The following EYA4 variants were observed in gnomAD, a reference collection of about 807,000 sequenced individuals.
EYA4 encodes the protein EYA transcriptional coactivator and phosphatase 4.
EYA4 carries 31 observed loss-of-function variants against 87.9 expected under a neutral mutation model. The ratio of observed to expected loss-of-function variants is 0.35; its 90% CI spans 0.27 to 0.48. The LOEUF (loss-of-function observed/expected upper bound fraction) is 0.48, where lower values mean the gene tolerates loss of function less well. EYA4 is among the 20% of genes least tolerant of loss of function. The probability of loss-of-function intolerance (pLI) is 0.99; values close to 1 mark genes in which losing one functional copy is unlikely to be tolerated. For synonymous variants in EYA4, 263 were observed against 270.6 expected (o/e 0.97, Z 0.28); for missense variants, 678 against 761.4 (o/e 0.89, Z 1.29).
chr6:133,250,151 A>G (rs1020366641), intron 1 of EYA4, among the ~76,000 whole-genome samples: 1 of 152,214 alleles, frequency 6.6e-6, no homozygotes, highest in Non-Finnish European at 1.5e-5. Context: ...GTATAAACCC[A>G]GTAGAATTGC....
intron 3 of EYA4, among the ~76,000 whole-genome samples, chr6:133,438,403 C>A: frequency 6.7e-6 from 1 of 148,376 alleles, no homozygotes; most frequent in Non-Finnish European, 1.5e-5. Context: ...CTTCTTTACT[C>A]ATCTTGTATG....
At chr6:133,372,376 T>C (rs1404968396) in intron 2 of EYA4, among the ~76,000 whole-genome samples, 1 of 152,100 alleles carries the variant, frequency 6.6e-6, no homozygotes, top group Non-Finnish European at 1.5e-5. Context: ...GTCAGTGTCT[T>C]ATTAACTACT....
intron 2 of EYA4, among the ~76,000 whole-genome samples, chr6:133,313,557 A>G (rs2128337478): frequency 6.6e-6 from 1 of 152,364 alleles, no homozygotes; most frequent in Non-Finnish European, 1.5e-5. Flanking sequence ...TAATTTAATG[A>G]AATATAAAAT....
intron 13 of EYA4, among the ~76,000 whole-genome samples, chr6:133,502,097 A>C (rs1263860154): frequency 1.3e-5 from 2 of 151,516 alleles, no homozygotes; most frequent in Non-Finnish European, 2.9e-5. Flanking sequence ...CTATTCAGTA[A>C]AATGTCTGGG....
intron 5 of EYA4, chr6:133,453,157 A>T (rs535569275): frequency 1.1e-4 from 16 of 152,226 alleles, no homozygotes; most frequent in Admixed American, 1.0e-3. Flanking sequence ...ATTTGGAATA[A>T]GGATTTTTAC....
intron 14 of EYA4, among the ~76,000 whole-genome samples, chr6:133,510,984 A>G (rs546673050): frequency 6.6e-6 from 1 of 152,310 alleles, no homozygotes; most frequent in Non-Finnish European, 1.5e-5. Flanking sequence ...TTCCAGTCAG[A>G]TTAAATTTGG....
chr6:133,495,024 T>C (rs998514003), intron 13 of EYA4, among the ~76,000 whole-genome samples: 2 of 152,080 alleles, frequency 1.3e-5, no homozygotes, highest in African/African-American at 2.4e-5. Context: ...ATCCCAGCAC[T>C]TTGGGAGGCC....
intron 2 of EYA4, among the ~76,000 whole-genome samples, chr6:133,365,850 T>A (rs76371290): frequency 0.091 from 13,793 of 152,102 alleles, 792 homozygotes; most frequent in East Asian, 0.15. Flanking sequence ...ATGAAGGGCA[T>A]GATCCCAGAC....
chr6:133,437,784 C>T (rs1791836949), intron 3 of EYA4, among the ~76,000 whole-genome samples: 1 of 152,158 alleles, frequency 6.6e-6, no homozygotes, highest in Admixed American at 6.5e-5. Flanking sequence ...ATGACACCAT[C>T]AGATCTTGTG....
chr6:133,260,029 T>C (rs1775668236), intron 1 of EYA4, among the ~76,000 whole-genome samples: 1 of 152,222 alleles, frequency 6.6e-6, no homozygotes, highest in Non-Finnish European at 1.5e-5. Flanking sequence ...GTGAATATAT[T>C]TTTAAAAACA....
intron 2 of EYA4, among the ~76,000 whole-genome samples, chr6:133,347,479 G>C (rs1164853964): frequency 6.6e-6 from 1 of 151,946 alleles, no homozygotes; most frequent in East Asian, 1.9e-4. Context: ...CATTTAAAAT[G>C]GTGATTATTC....
intron 1 of EYA4, among the ~76,000 whole-genome samples, chr6:133,259,415 C>G (rs1413889622): frequency 1.3e-5 from 2 of 152,144 alleles, no homozygotes; most frequent in East Asian, 1.9e-4. Context: ...AACTTCAGCC[C>G]TTTTAAAGGT....
At chr6:133,515,549 C>T in intron 17 of EYA4, 114 bp downstream of exon 17, 2 of 723,536 alleles carry the variant, frequency 2.8e-6, no homozygotes, top group East Asian at 5.3e-5. Flanking sequence ...AGGGACCTAA[C>T]AATTCTGAGT....
At chr6:133,246,885 C>T (rs1478782185) in intron 1 of EYA4, 3 of 152,110 alleles carry the variant, frequency 2.0e-5, no homozygotes, top group Non-Finnish European at 2.9e-5. Flanking sequence ...GAGACCCAGT[C>T]ATGCAGCACA....
At chr6:133,502,070 T>A (rs201474393) in intron 13 of EYA4, among the ~76,000 whole-genome samples, 2 of 148,050 alleles carry the variant, frequency 1.4e-5, no homozygotes, top group Admixed American at 6.8e-5. Flanking sequence ...TCTCTCTCTC[T>A]CACTCTCTCT....
At chr6:133,242,750 G>C (rs1774064348) in intron 1 of EYA4, among the ~76,000 whole-genome samples, 1 of 152,148 alleles carries the variant, frequency 6.6e-6, no homozygotes, top group Non-Finnish European at 1.5e-5. Context: ...GGCAGAGCTG[G>C]GGCGAAAGCA....
rs371481064 is a variant in EYA4, at chr6:133,329,263, G to A, written c.34-53129G>A. On this transcript the variant is annotated intron_variant, in intron 2 of 19. Coordinates refer to ENST00000355286, the MANE Select transcript of EYA4 (RefSeq NM_004100.5). ...TTTTCCCAGCATAAATTGGATCCAC[G>A]TTAATAGTCTTATTATGTGCTAGCA... Among the ~76,000 whole-genome samples, 7 of 151,892 alleles carry A rather than the reference G, an allele frequency of 4.6e-5. No individual in the cohort carries two copies. The South Asian group carries it at 8.3e-4, about 18-fold the overall frequency.
At chr6:133,380,181 C>A (rs212818) in intron 2 of EYA4, among the ~76,000 whole-genome samples, 67,964 of 151,984 alleles carry the variant, frequency 0.45, 17,545 homozygotes, top group Non-Finnish European at 0.59. Context: ...CTCATTTGAC[C>A]AAGAACAAAT....
intron 2 of EYA4, among the ~76,000 whole-genome samples, chr6:133,367,321 A>C (rs1317070211): frequency 6.6e-6 from 1 of 152,220 alleles, no homozygotes; most frequent in African/African-American, 2.4e-5. Context: ...CCTTGTGCTA[A>C]GAGTTATGGA....
Sources: gnomAD v4.1 joint callset for allele counts (sites outside exome capture counted in the v4.1 genomes callset) on GRCh38, gnomAD v4.1.1 for gene constraint, MANE v1.5 for transcripts, NCBI Gene and HGNC (gene_info 2026-07-23, HGNC 2026-07-21) for gene names.